The following TMCC1 variants were observed in gnomAD, a reference collection of about 807,000 sequenced individuals.
TMCC1 encodes transmembrane and coiled-coil domain family 1.
TMCC1 carries 15 observed loss-of-function variants against 52.4 expected under a neutral mutation model. The ratio of observed to expected loss-of-function variants is 0.29; its 90% CI spans 0.19 to 0.44. The LOEUF is 0.44. TMCC1 is among the 20% of genes least tolerant of loss of function. TMCC1 has a pLI of 1.00. For synonymous variants in TMCC1, 279 were observed against 301.9 expected, an observed-to-expected ratio of 0.92 and a Z score of 0.79; for missense variants, 503 against 806.0, an observed-to-expected ratio of 0.62 and a Z score of 4.55.
At chr3:129,759,272 T>C (rs1168417207) in intron 4 of TMCC1, among the ~76,000 whole-genome samples, 1 of 151,660 alleles carries the variant, frequency 6.6e-6, no homozygotes, top group African/African-American at 2.4e-5. Context: ...TCATGACTTT[T>C]TTTTTTTTTT....
chr3:129,864,102 T>C (rs2060518002), intron 2 of TMCC1, among the ~76,000 whole-genome samples: 1 of 152,084 alleles, frequency 6.6e-6, no homozygotes, highest in Admixed American at 6.6e-5. Context: ...TGTAAAAGAG[T>C]TCTAAGGCAC....
rs115925328 is a variant in TMCC1 at position 129,844,488 on chromosome 3, C to G, written c.-183-11662G>C. 4.6e-3 allele frequency among the ~76,000 whole-genome samples: 695 copies of G among 152,232 alleles called. 8 individuals are homozygous for G. The highest frequency in any genetic ancestry group is 0.016 in the African/African-American group (661 of 41,542). On this transcript the variant is annotated intron_variant, in intron 2 of 6. Coordinates refer to ENST00000393238, the MANE Select transcript of TMCC1 (RefSeq NM_001017395.5). ...ATACATATGCAAGAATAAATTCTAA[C>G]AATGCCCAACATTCGGTGTTTTTTT...
intron 4 of TMCC1, among the ~76,000 whole-genome samples, chr3:129,721,627 G>C (rs538502231): frequency 1.3e-5 from 2 of 150,686 alleles, no homozygotes; most frequent in Admixed American, 6.7e-5. Context: ...TTGGGAGGCC[G>C]AGGCAGGCAG....
intron 4 of TMCC1, among the ~76,000 whole-genome samples, chr3:129,804,559 G>C (rs565082190): frequency 6.6e-6 from 1 of 152,224 alleles, no homozygotes; most frequent in African/African-American, 2.4e-5. Flanking sequence ...AAACACATAG[G>C]AAAATTATAC....
intron 4 of TMCC1, among the ~76,000 whole-genome samples, chr3:129,700,051 CA>C (rs1403088438): frequency 3.9e-5 from 6 of 152,068 alleles, no homozygotes; most frequent in South Asian, 2.1e-4. Flanking sequence ...ACCCTTAAGA[CA>C]AAAACAAAAC....
chr3:129,828,538 CAAAA>C lies in TMCC1; in HGVS notation c.-130-34_-130-31del. ...TGTTAAAAACAAAAAAACAAAAAAA[CAAAA>C]AAAAAACCTTATATTATAAATCCAT... On this transcript the variant is annotated intron_variant, in intron 3 of 6. Coordinates refer to ENST00000393238, the MANE Select transcript of TMCC1 (RefSeq NM_001017395.5). The surrounding 1 kb of genome is among the most constrained non-coding windows in gnomAD (Gnocchi z 4.1). 1.9e-6 allele frequency: 1 copy of C among 515,774 alleles called. No individual in the cohort carries two copies. 31.9% of individuals were successfully genotyped at this position (515,774 alleles called of 1,614,324 possible).
chr3:129,808,185 A>G (rs2057574985), intron 4 of TMCC1, among the ~76,000 whole-genome samples: 1 of 152,032 alleles, frequency 6.6e-6, no homozygotes, highest in Non-Finnish European at 1.5e-5. Context: ...CTGTCTAAAA[A>G]TATATATATA....
intron 4 of TMCC1, among the ~76,000 whole-genome samples, chr3:129,721,704 C>CAAAAAAAAA (rs765601986): frequency 5.7e-3 from 414 of 72,466 alleles, no homozygotes; most frequent in Middle Eastern, 0.016. Flanking sequence ...ACTAAAAATA[C>CAAAAAAAAA]AAAAAAAAAA....
At chr3:129,691,019 T>C (rs377372460) in intron 4 of TMCC1, among the ~76,000 whole-genome samples, 158 of 152,332 alleles carry the variant, frequency 1.0e-3, no homozygotes, top group African/African-American at 3.4e-3. Context: ...GTTTTGCTGA[T>C]TTCCTTGTTC....
intron 4 of TMCC1, among the ~76,000 whole-genome samples, chr3:129,739,885 T>A (rs1419040179): frequency 6.6e-6 from 1 of 152,270 alleles, no homozygotes; most frequent in African/African-American, 2.4e-5. Flanking sequence ...TGATCTTAAA[T>A]ACTACATAGG....
intron 4 of TMCC1, among the ~76,000 whole-genome samples, chr3:129,674,653 G>C (rs1576399034): frequency 6.6e-6 from 1 of 152,110 alleles, no homozygotes; most frequent in East Asian, 1.9e-4. Context: ...ACAGGACAGG[G>C]GAGGAAAACA....
chr3:129,811,378 C>A (rs1034542363), intron 4 of TMCC1, among the ~76,000 whole-genome samples: 4 of 152,148 alleles, frequency 2.6e-5, no homozygotes, highest in Non-Finnish European at 5.9e-5. Context: ...GATCCTCCTG[C>A]CTCAGCCTCC....
chr3:129,870,250 T>C (rs1198888666), intron 2 of TMCC1, among the ~76,000 whole-genome samples: 1 of 152,126 alleles, frequency 6.6e-6, no homozygotes. Context: ...TTTCATTTTT[T>C]TCTCCTCCAG....
intron 4 of TMCC1, among the ~76,000 whole-genome samples, chr3:129,738,367 G>C (rs1373943927): frequency 6.6e-6 from 1 of 152,022 alleles, no homozygotes; most frequent in Non-Finnish European, 1.5e-5. Flanking sequence ...GTTTCAAAAG[G>C]CACTCTACTC....
intron 4 of TMCC1, among the ~76,000 whole-genome samples, chr3:129,685,756 A>T (rs1166416306): frequency 6.6e-6 from 1 of 152,242 alleles, no homozygotes; most frequent in Non-Finnish European, 1.5e-5. Flanking sequence ...TATAGAGCCA[A>T]AAGGCTACTT....
At chr3:129,830,081 TAACA>T (rs1168771786) in intron 3 of TMCC1, among the ~76,000 whole-genome samples, 1 of 152,244 alleles carries the variant, frequency 6.6e-6, no homozygotes, top group Non-Finnish European at 1.5e-5. Context: ...GGCAAATGAA[TAACA>T]ACCATGAGAA....
At chr3:129,835,208 T>A (rs1033653040) in intron 2 of TMCC1, among the ~76,000 whole-genome samples, 4 of 152,188 alleles carry the variant, frequency 2.6e-5, no homozygotes, top group Non-Finnish European at 4.4e-5. Flanking sequence ...TTTCCTAAGG[T>A]CCTTAGTGAA....
At chr3:129,754,166 A>C (rs2052781104) in intron 4 of TMCC1, among the ~76,000 whole-genome samples, 1 of 152,242 alleles carries the variant, frequency 6.6e-6, no homozygotes. Context: ...CTTAGCTATA[A>C]ACGTGACAAA....
chr3:129,797,139 C>A (rs1372069009), intron 4 of TMCC1, among the ~76,000 whole-genome samples: 1 of 152,090 alleles, frequency 6.6e-6, no homozygotes, highest in East Asian at 1.9e-4. Context: ...TCCTGGCTAA[C>A]ACGGTGTAAA....
Sources: gnomAD v4.1 joint callset for allele counts (sites outside exome capture counted in the v4.1 genomes callset) on GRCh38, gnomAD v4.1.1 for gene constraint, Gnocchi (gnomAD v3.1) non-coding constraint, MANE v1.5 for transcripts, NCBI Gene and HGNC (gene_info 2026-07-23, HGNC 2026-07-21) for gene names.